Variants in ESRRG observed in about 807,000 individuals in gnomAD.
ESRRG encodes estrogen related receptor gamma.
In ESRRG, 13 loss-of-function variants were observed where a neutral mutation model predicts 44.0. The ratio of observed to expected loss-of-function variants is 0.30; its 90% CI spans 0.19 to 0.47. ESRRG has a LOEUF of 0.47. ESRRG is among the 20% of genes least tolerant of loss of function. The pLI is 1.00. For synonymous variants in ESRRG, 215 were observed against 214.6 expected (o/e 1.00, Z -0.02); for missense variants, 395 against 580.6 (o/e 0.68, Z 3.29).
At chr1:216,725,228 A>G (rs984058280), upstream of ESRRG, among the ~76,000 whole-genome samples, 4 of 152,174 alleles carry the variant, frequency 2.6e-5, no homozygotes, top group Admixed American at 2.6e-4. Context: ...CTAAATGCAT[A>G]CAAAGTTTCT....
chr1:216,693,076 C>G (rs2079383364), intron 1 of ESRRG, among the ~76,000 whole-genome samples: 1 of 152,246 alleles, frequency 6.6e-6, no homozygotes, highest in Non-Finnish European at 1.5e-5. Flanking sequence ...TTCCTTCTCT[C>G]TGGAATTCAA....
At chr1:217,121,433 T>G (rs2092818597) in intron 1 of ESRRG, among the ~76,000 whole-genome samples, 1 of 152,138 alleles carries the variant, frequency 6.6e-6, no homozygotes. Flanking sequence ...CTCCTGGTAG[T>G]GTGAAGGATG....
At chr1:217,089,396 G>C (rs2092287789) in intron 1 of ESRRG, 1 of 150,250 alleles carries the variant, frequency 6.7e-6, no homozygotes, top group South Asian at 2.1e-4. Context: ...ATAAGCAAGT[G>C]AAGGGGGAAG....
intron 2 of ESRRG, among the ~76,000 whole-genome samples, chr1:216,799,954 C>A (rs1025957060): frequency 4.6e-5 from 7 of 152,200 alleles, no homozygotes; most frequent in Admixed American, 1.3e-4. Context: ...CTCAAAAAAA[C>A]CCCACATTTA....
intron 1 of ESRRG, among the ~76,000 whole-genome samples, chr1:217,118,139 C>A (rs978012301): frequency 6.6e-6 from 1 of 152,184 alleles, no homozygotes; most frequent in Non-Finnish European, 1.5e-5. Flanking sequence ...ATACTACTCA[C>A]CCCTTCATCC....
Position 217,051,204 on chromosome 1 carries a change from C to CGGGG in ESRRG, c.-106+38299_-106+38302dup, listed in dbSNP as rs1164233806. 3.1e-3 allele frequency among the ~76,000 whole-genome samples: 104 copies of CGGGG among 33,544 alleles called. 2 individuals carry two copies. The highest frequency in any genetic ancestry group is 8.8e-3 in the African/African-American group (67 of 7,600). The allele number at this position is 33,544 out of a possible 152,430, so 22.0% of individuals were successfully genotyped here. On this transcript the variant is annotated intron_variant, in intron 1 of 7. Coordinates refer to the ESRRG transcript ENST00000359162. The stretch of plus-strand genomic sequence containing the variant: ...GAGCAGAAGGAGTGGATAATGGGGG[C>CGGGG]GGGGGGGGGGGGTGCCAGGGGAATT...
At chr1:216,595,472 A>G (rs1377333720) in intron 3 of ESRRG, among the ~76,000 whole-genome samples, 7 of 152,226 alleles carry the variant, frequency 4.6e-5, no homozygotes, top group African/African-American at 1.4e-4. Context: ...CACAAAAAGA[A>G]CCTGGTTAAA....
chr1:217,012,927 G>C (rs2078841257), intron 1 of ESRRG, among the ~76,000 whole-genome samples: 2 of 152,112 alleles, frequency 1.3e-5, no homozygotes, highest in South Asian at 4.1e-4. Flanking sequence ...TGTTGATAGG[G>C]GTGGTTCCTT....
intron 1 of ESRRG, among the ~76,000 whole-genome samples, chr1:217,040,079 GC>G (rs1330246197): frequency 6.6e-6 from 1 of 152,164 alleles, no homozygotes; most frequent in Non-Finnish European, 1.5e-5. Context: ...GGCAACAATG[GC>G]TAAATTATTT....
intron 5 of ESRRG, among the ~76,000 whole-genome samples, chr1:216,556,355 T>C (rs1445887894): frequency 6.6e-6 from 1 of 152,158 alleles, no homozygotes. Context: ...ACTGAGCTCA[T>C]CCTGTCACTT....
intron 3 of ESRRG, among the ~76,000 whole-genome samples, chr1:216,610,494 C>A (rs1333538580): frequency 6.6e-6 from 1 of 151,978 alleles, no homozygotes; most frequent in Non-Finnish European, 1.5e-5. Flanking sequence ...AGTCTCTGAT[C>A]GTTAGTGTTT....
rs1253011585 is a variant in ESRRG at position 216,779,100 on chromosome 1, C to CTA, written c.-13-101611_-13-101610dup. Among the ~76,000 whole-genome samples, 600 of 113,486 alleles carry CTA rather than the reference C, an allele frequency of 5.3e-3. 7 individuals are homozygous for CTA. The highest frequency in any genetic ancestry group is 0.012 in the African/African-American group (359 of 29,586). 74.5% of individuals were successfully genotyped at this position (113,486 alleles called of 152,430 possible). Reference sequence around the variant, plus strand: ...CTCTGTTATTATGTGGAGGCTTAAACTATATATATATATATATAATTATAT... The same window carrying CTA: ...CTCTGTTATTATGTGGAGGCTTAAACTATATATATATATATATATAATTATAT... On this transcript the variant is annotated intron_variant, in intron 2 of 7. Transcript: ENST00000359162.
At chr1:217,014,761 A>G (rs2079102377) in intron 1 of ESRRG, among the ~76,000 whole-genome samples, 2 of 152,174 alleles carry the variant, frequency 1.3e-5, no homozygotes, top group Non-Finnish European at 2.9e-5. Flanking sequence ...AGGAGCATAT[A>G]AGTTATCTTA....
upstream of ESRRG, among the ~76,000 whole-genome samples, chr1:217,091,554 C>A (rs2092346118): frequency 6.6e-6 from 1 of 152,180 alleles, no homozygotes; most frequent in Non-Finnish European, 1.5e-5. Flanking sequence ...ATTGGAGAAA[C>A]TAGACTAAGA....
At chr1:217,092,867 T>G (rs2092369037), upstream of ESRRG, among the ~76,000 whole-genome samples, 1 of 152,230 alleles carries the variant, frequency 6.6e-6, no homozygotes, top group South Asian at 2.1e-4. Flanking sequence ...AAAAGTTTTA[T>G]GTAGCAAAAG....
At chr1:216,978,447 A>G (rs2789578) in intron 1 of ESRRG, among the ~76,000 whole-genome samples, 70,812 of 152,016 alleles carry the variant, frequency 0.47, 17,841 homozygotes, top group East Asian at 0.73. Context: ...TAAAACCCAC[A>G]TCTAGTAACT....
At chr1:216,958,635 T>G (rs1000376868) in intron 1 of ESRRG, among the ~76,000 whole-genome samples, 1 of 152,174 alleles carries the variant, frequency 6.6e-6, no homozygotes, top group Non-Finnish European at 1.5e-5. Flanking sequence ...ATATGTTAGT[T>G]CTTAACACTT....
chr1:216,632,893 T>C (rs904914428), intron 3 of ESRRG, among the ~76,000 whole-genome samples: 2 of 152,180 alleles, frequency 1.3e-5, no homozygotes, highest in African/African-American at 4.8e-5. Context: ...AGTCAATAAA[T>C]AGAGCTATAG....
intron 3 of ESRRG, among the ~76,000 whole-genome samples, chr1:216,573,906 A>C (rs950665501): frequency 7.2e-5 from 11 of 152,234 alleles, no homozygotes; most frequent in Admixed American, 4.6e-4. Context: ...AATAATATTT[A>C]TGATCAGAAC....
Sources: allele counts gnomAD v4.1 joint callset (sites outside exome capture counted in the v4.1 genomes callset), GRCh38; gene constraint gnomAD v4.1.1; transcripts MANE v1.5; gene names NCBI Gene and HGNC (gene_info 2026-07-23, HGNC 2026-07-21).